ABLIM1: variants seen among roughly 807,000 people sequenced by gnomAD.
ABLIM1 encodes actin binding LIM protein 1.
Under a neutral mutation model 107.0 loss-of-function variants are expected in ABLIM1, and 40 were observed. The ratio of observed to expected loss-of-function variants is 0.37; its 90% CI spans 0.29 to 0.49. The LOEUF is 0.49. ABLIM1 is among the 20% of genes least tolerant of loss of function. ABLIM1 has a pLI of 0.97. For missense variants in ABLIM1, 857 were observed against 1,008.5 expected (o/e 0.85, Z 2.04); for synonymous variants, 357 against 357.3 (o/e 1.00, Z 0.01).
chr10:114,740,744 T>C (rs1355431056), intron 1 of ABLIM1, among the ~76,000 whole-genome samples: 1 of 151,998 alleles, frequency 6.6e-6, no homozygotes. Context: ...AAGCAGTCTT[T>C]AGAAATAATA....
At chr10:114,491,639 C>T in intron 7 of ABLIM1, 152 bp downstream of exon 7, 1 of 626,556 alleles carries the variant, frequency 1.6e-6, no homozygotes, top group East Asian at 2.8e-5. Context: ...TTAATACTAA[C>T]TGATGAGGTA....
chr10:114,542,153 A>G (rs560636918), intron 6 of ABLIM1, among the ~76,000 whole-genome samples: 41 of 152,288 alleles, frequency 2.7e-4, no homozygotes, highest in African/African-American at 9.6e-4. Context: ...TCATGCCTGT[A>G]ATCTCAGCAC....
intron 1 of ABLIM1, among the ~76,000 whole-genome samples, chr10:114,751,805 A>G (rs1469418680): frequency 2.6e-5 from 4 of 151,844 alleles, no homozygotes; most frequent in Non-Finnish European, 5.9e-5. Context: ...ACTCATGCAC[A>G]GGGGGGAAAT....
At chr10:114,621,856 T>C (rs909370244) in intron 1 of ABLIM1, among the ~76,000 whole-genome samples, 1 of 152,264 alleles carries the variant, frequency 6.6e-6, no homozygotes, top group African/African-American at 2.4e-5. Flanking sequence ...CCCTTCGCTA[T>C]GGCTCATTGC....
At chr10:114,729,050 T>C (rs1158008075) in intron 1 of ABLIM1, among the ~76,000 whole-genome samples, 3 of 152,092 alleles carry the variant, frequency 2.0e-5, no homozygotes, top group African/African-American at 7.3e-5. Context: ...TAACATTTAC[T>C]CTGCGTAGCC....
At chr10:114,790,523 C>G in the ABLIM1 span, among the ~76,000 whole-genome samples, 1 of 152,142 alleles carries the variant, frequency 6.6e-6, no homozygotes, top group Non-Finnish European at 1.5e-5. Flanking sequence ...CTATGGAATA[C>G]AAAAATAAGA....
At chr10:114,724,221 C>T (rs558813052) in intron 1 of ABLIM1, among the ~76,000 whole-genome samples, 58 of 152,218 alleles carry the variant, frequency 3.8e-4, no homozygotes, top group Admixed American at 5.9e-4. Context: ...CACAGGGGTC[C>T]TCAGTTCTGC....
intron 1 of ABLIM1, among the ~76,000 whole-genome samples, chr10:114,745,201 CT>C (rs1484435216): frequency 6.6e-6 from 1 of 152,184 alleles, no homozygotes; most frequent in Non-Finnish European, 1.5e-5. Flanking sequence ...GAAAAAGAGT[CT>C]ATTCTCTTAA....
At chr10:114,530,436 T>A (rs1488525539) in intron 6 of ABLIM1, among the ~76,000 whole-genome samples, 1 of 152,126 alleles carries the variant, frequency 6.6e-6, no homozygotes, top group Non-Finnish European at 1.5e-5. Flanking sequence ...AGTTTATACT[T>A]AAACAGATTA....
chr10:114,664,797 G>A (rs2079950257), intron 1 of ABLIM1, among the ~76,000 whole-genome samples: 1 of 150,862 alleles, frequency 6.6e-6, no homozygotes, highest in South Asian at 2.1e-4. Context: ...GCTCGCCTCA[G>A]CCTCCCAAAG....
Position 114,554,276 on chromosome 10 carries a change from C to T in ABLIM1, c.674-6500G>A, listed in dbSNP as rs2497727. Among the ~76,000 whole-genome samples the T allele has an allele frequency of 4.0e-5, 6 of 151,742 alleles. No individual in the cohort carries two copies. In the East Asian group the frequency reaches 9.7e-4, roughly 25 times the overall value. ...AGATAAGAAAGACCAGCCTCATTGCCGGTCTCCAATTTGGGTTGGGCCTGA... is the reference window on the plus strand; with the variant it reads ...AGATAAGAAAGACCAGCCTCATTGCTGGTCTCCAATTTGGGTTGGGCCTGA... On this transcript the variant is annotated intron_variant, in intron 4 of 22. Transcript: ENST00000533213.
rs2077338604 is a variant in ABLIM1, at chr10:114,619,553, G to C, written c.245-17592C>G. ...ACACATCAAAAATGAATGCTATCCA[G>C]CATGTAATGCTCGACAATGTAGATG... On this transcript the variant is annotated intron_variant, in intron 1 of 22. Coordinates refer to ENST00000533213, the MANE Select transcript of ABLIM1 (RefSeq NM_002313.7). This position sits in a 1 kb window ranked among gnomAD's most constrained non-coding sequence, Gnocchi z 4.1. Among the ~76,000 whole-genome samples, 1 of 152,130 alleles carries C rather than the reference G, an allele frequency of 6.6e-6. No individual in the cohort carries two copies. Among genetic ancestry groups the C allele is most frequent in the Non-Finnish European group, 1.5e-5 (1 of 68,026 alleles).
At chr10:114,704,943 C>T (rs760172108) in intron 1 of ABLIM1, among the ~76,000 whole-genome samples, 9 of 152,154 alleles carry the variant, frequency 5.9e-5, no homozygotes, top group Non-Finnish European at 8.8e-5. Context: ...AGTCTTAAGA[C>T]GTTTTCAAAG....
At chr10:114,513,733 T>C (rs1197962731) in intron 6 of ABLIM1, among the ~76,000 whole-genome samples, 1 of 152,188 alleles carries the variant, frequency 6.6e-6, no homozygotes, top group Non-Finnish European at 1.5e-5. Flanking sequence ...GCTTCCTGTC[T>C]AGCACAGAGC....
intron 1 of ABLIM1, among the ~76,000 whole-genome samples, chr10:114,610,976 AC>A (rs2076768798): frequency 6.6e-6 from 1 of 152,016 alleles, no homozygotes; most frequent in African/African-American, 2.4e-5. Flanking sequence ...ACATAGTGAA[AC>A]CCTGTCTCTA....
At chr10:114,609,487 A>G (rs1042497880) in intron 1 of ABLIM1, among the ~76,000 whole-genome samples, 3 of 152,166 alleles carry the variant, frequency 2.0e-5, no homozygotes, top group African/African-American at 7.2e-5. Flanking sequence ...ACCATCACCA[A>G]TGTTTCTCTT....
chr10:114,795,353 T>A, the ABLIM1 span, among the ~76,000 whole-genome samples: 2 of 152,310 alleles, frequency 1.3e-5, no homozygotes, highest in Middle Eastern at 6.8e-3. Context: ...TTAAGTGGGA[T>A]AACTAATACC....
At chr10:114,458,098 G>GTA (rs1232448879) in intron 12 of ABLIM1, among the ~76,000 whole-genome samples, 1 of 148,928 alleles carries the variant, frequency 6.7e-6, no homozygotes, top group African/African-American at 2.5e-5. Context: ...ACTACTCTGT[G>GTA]TGTGTGTGTG....
chr10:114,563,446 C>T (rs553270823), intron 4 of ABLIM1, among the ~76,000 whole-genome samples: 18 of 152,028 alleles, frequency 1.2e-4, no homozygotes, highest in Admixed American at 2.0e-4. Flanking sequence ...GACGTGGGCA[C>T]GCATGTAAAC....
Sources: allele counts gnomAD v4.1 joint callset (sites outside exome capture counted in the v4.1 genomes callset), GRCh38; gene constraint gnomAD v4.1.1; non-coding constraint Gnocchi (gnomAD v3.1); transcripts MANE v1.5; gene names NCBI Gene and HGNC (gene_info 2026-07-23, HGNC 2026-07-21).